The following PCDHGA1 variants were observed in gnomAD, a reference collection of about 807,000 sequenced individuals.
The protein encoded by PCDHGA1 is protocadherin gamma-A1.
In PCDHGA1, 32 loss-of-function variants were observed where a neutral mutation model predicts 58.0. That is an observed-to-expected ratio of 0.55 (90% CI 0.42 to 0.74). PCDHGA1 has a LOEUF of 0.74. Ranked by LOEUF, PCDHGA1 falls within the 30% of genes least tolerant of loss-of-function variation. PCDHGA1 has a pLI of 0.00. For synonymous variants in PCDHGA1, 498 were observed against 501.1 expected, an observed-to-expected ratio of 0.99 and a Z score of 0.08; for missense variants, 1,205 against 1,182.3, an observed-to-expected ratio of 1.02 and a Z score of -0.28.
At chr5:141,502,234 C>T (rs1482411915) in intron 2 of PCDHGA1, among the ~76,000 whole-genome samples, 1 of 152,108 alleles carries the variant, frequency 6.6e-6, no homozygotes, top group Non-Finnish European at 1.5e-5. Flanking sequence ...TCTGTGTGTT[C>T]TTTTATCCTT....
chr5:141,403,762 T>A (rs1217388200), intron 1 of PCDHGA1: 1 of 1,613,736 alleles, frequency 6.2e-7, no homozygotes, highest in Non-Finnish European at 8.5e-7. Flanking sequence ...GCGACCTGGA[T>A]GAGGGAATCA....
At position 141,477,984 on chromosome 5, in the gene PCDHGA1, T is replaced by A; in HGVS notation, c.2422-16823T>A. On this transcript the variant is annotated intron_variant, in intron 1 of 3. Coordinates refer to ENST00000517417, the MANE Select transcript of PCDHGA1 (RefSeq NM_018912.3). This position sits in a 1 kb window ranked among gnomAD's most constrained non-coding sequence, Gnocchi z 4.9. ...AACCAGAGCCTTTTTGCCATAGGGC[T>A]GCACACTGGTCAAATCAGTACTGCC... 6.2e-7 allele frequency: 1 copy of A among 1,614,146 alleles called. No homozygotes were observed. The highest frequency in any genetic ancestry group is 8.5e-7 in the Non-Finnish European group (1 of 1,180,028).
At chr5:141,371,039 G>A (rs1233349729) in intron 1 of PCDHGA1, 1 of 1,613,848 alleles carries the variant, frequency 6.2e-7, no homozygotes, top group Admixed American at 1.7e-5. Context: ...TCACAGCTGT[G>A]GATGGGGGCG....
Position 141,489,624 on chromosome 5 carries a change from C to T in PCDHGA1, c.2422-5183C>T. 1 of 1,614,088 alleles carries T rather than the reference C, an allele frequency of 6.2e-7. No homozygotes were observed. On this transcript the variant is annotated intron_variant, in intron 1 of 3. Transcript: ENST00000517417. The surrounding 1 kb of genome is among the most constrained non-coding windows in gnomAD (Gnocchi z 4.5). Reference sequence around the variant, plus strand: ...AGGTAGAGATCCTGGATCTCAATGACAACTCTCCTAGCTTTGCCACCCCTG... The same window carrying T: ...AGGTAGAGATCCTGGATCTCAATGATAACTCTCCTAGCTTTGCCACCCCTG...
intron 1 of PCDHGA1, chr5:141,384,294 C>G: frequency 6.2e-7 from 1 of 1,613,864 alleles, no homozygotes; most frequent in Non-Finnish European, 8.5e-7. Flanking sequence ...CTGAGAACAA[C>G]CCCAGAGGGG....
At position 141,432,552 on chromosome 5, in the gene PCDHGA1, C is replaced by G. The variant is rs1181931321; in HGVS notation, c.2422-62255C>G. ...AAGGTGGTGGCGGTGGACAGAGACT[C>G]CGGCCAGAACGCCTGGCTGTCCTAC... On this transcript the variant is annotated intron_variant, in intron 1 of 3. Coordinates refer to ENST00000517417, the MANE Select transcript of PCDHGA1 (RefSeq NM_018912.3). The surrounding 1 kb of genome is among the most constrained non-coding windows in gnomAD (Gnocchi z 6.0). The G allele has an allele frequency of 6.2e-7, 1 of 1,613,970 alleles. No homozygotes were observed. The highest frequency in any genetic ancestry group is 1.1e-5 in the South Asian group (1 of 91,064).
chr5:141,491,496 C>T lies in PCDHGA1; in HGVS notation c.2422-3311C>T, dbSNP rs372523924. ...AGTCCAGCCCCAACCTGCAGGTGAG[C>T]TCGGACGGCACGCTCAAGTACATGG... On this transcript the variant is annotated intron_variant, in intron 1 of 3. Transcript: ENST00000517417. This position sits in a 1 kb window ranked among gnomAD's most constrained non-coding sequence, Gnocchi z 6.9. 2.9e-5 allele frequency: 47 copies of T among 1,614,004 alleles called. No individual in the cohort carries two copies. Among genetic ancestry groups the T allele is most frequent in the Non-Finnish European group, 3.7e-5 (44 of 1,180,026 alleles).
chr5:141,365,340 T>C (rs776988694), intron 1 of PCDHGA1: 5 of 1,613,832 alleles, frequency 3.1e-6, no homozygotes, highest in Admixed American at 1.7e-5. Flanking sequence ...GTGGTCACAG[T>C]ACAGGACGTG....
intron 1 of PCDHGA1, chr5:141,344,138 G>A (rs1189053152): frequency 5.0e-6 from 8 of 1,614,026 alleles, no homozygotes; most frequent in Admixed American, 1.7e-5. Flanking sequence ...GCTACTCGGT[G>A]TCTGAGGAGC....
chr5:141,350,963 A>G (rs771173286), intron 1 of PCDHGA1: 1 of 1,614,094 alleles, frequency 6.2e-7, no homozygotes, highest in South Asian at 1.1e-5. Context: ...TGCCAATGAT[A>G]ATGCTCCCGT....
rs770638374 is a variant in PCDHGA1 at position 141,409,524 on chromosome 5, A to G, written c.2421+76419A>G. On this transcript the variant is annotated intron_variant, in intron 1 of 3. Coordinates refer to ENST00000517417, the MANE Select transcript of PCDHGA1 (RefSeq NM_018912.3). ...TCTTCCAGTAGAAGCATCACCTTGTATGTCGCTGACATCAACGACAACGCC... is the reference window on the plus strand; with the variant it reads ...TCTTCCAGTAGAAGCATCACCTTGTGTGTCGCTGACATCAACGACAACGCC... 11 of 1,613,972 alleles carry G rather than the reference A, an allele frequency of 6.8e-6. No homozygotes were observed. In the South Asian group the frequency reaches 1.1e-4, roughly 16 times the overall value.
intron 1 of PCDHGA1, chr5:141,372,143 G>A: frequency 6.2e-7 from 1 of 1,613,784 alleles, no homozygotes. Context: ...GCTCTGCAGA[G>A]CCTGGCTACC....
intron 1 of PCDHGA1, chr5:141,408,622 A>C (rs1481022505): frequency 6.2e-7 from 1 of 1,614,070 alleles, no homozygotes; most frequent in Admixed American, 1.7e-5. Flanking sequence ...AAATACATTT[A>C]GAAATTTTCG....
intron 1 of PCDHGA1, chr5:141,397,891 A>G: frequency 3.2e-6 from 2 of 631,130 alleles, no homozygotes; most frequent in Non-Finnish European, 5.3e-6. Context: ...CTGTTGGCCA[A>G]AGTGCAGAGC....
chr5:141,355,134 T>A (rs892801062), intron 1 of PCDHGA1: 1 of 1,523,362 alleles, frequency 6.6e-7, no homozygotes, highest in Non-Finnish European at 8.8e-7. Flanking sequence ...ACCCAGAAGA[T>A]CCTGGGGCTC....
chr5:141,443,457 G>C (rs977253701), intron 1 of PCDHGA1, among the ~76,000 whole-genome samples: 12 of 152,194 alleles, frequency 7.9e-5, no homozygotes, highest in Non-Finnish European at 1.3e-4. Flanking sequence ...CTGTACTCCA[G>C]TCTGGGTGAC....
chr5:141,490,251 A>G lies in PCDHGA1; in HGVS notation c.2422-4556A>G, dbSNP rs1479384008. ...CCATGGAGGGCCACTGTGTGATTCA[A>G]GTGGATGTGGGGGATGTCAATGACA... is the stretch of plus-strand genomic sequence containing the variant. On this transcript the variant is annotated intron_variant, in intron 1 of 3. Coordinates refer to ENST00000517417, the MANE Select transcript of PCDHGA1 (RefSeq NM_018912.3). This position sits in a 1 kb window ranked among gnomAD's most constrained non-coding sequence, Gnocchi z 5.4. 6.2e-7 allele frequency: 1 copy of G among 1,614,210 alleles called. No homozygotes were observed. Among genetic ancestry groups the G allele is most frequent in the Non-Finnish European group, 8.5e-7 (1 of 1,180,036 alleles).
Position 141,485,992 on chromosome 5 carries a change from C to T in PCDHGA1, c.2422-8815C>T. The T allele has an allele frequency of 6.2e-7, 1 of 1,614,156 alleles. No individual in the cohort carries two copies. The highest frequency in any genetic ancestry group is 2.2e-5 in the East Asian group (1 of 44,870). On this transcript the variant is annotated intron_variant, in intron 1 of 3. Coordinates refer to ENST00000517417, the MANE Select transcript of PCDHGA1 (RefSeq NM_018912.3). The surrounding 1 kb of genome is among the most constrained non-coding windows in gnomAD (Gnocchi z 5.7). ...ATGCCTCAGACCCGGACCTGGGTCC[C>T]AGTGGTAACGTCACCTTTTATTTCA...
chr5:141,491,168 A>G lies in PCDHGA1; in HGVS notation c.2422-3639A>G. On this transcript the variant is annotated intron_variant, in intron 1 of 3. Coordinates refer to ENST00000517417, the MANE Select transcript of PCDHGA1 (RefSeq NM_018912.3). The surrounding 1 kb of genome is among the most constrained non-coding windows in gnomAD (Gnocchi z 6.9). Reference sequence around the variant, plus strand: ...CTGGAGGATGACTCTGACACCCAGCAGGTGGTGGTCCTGGTGAGGGACAAT... The same window carrying G: ...CTGGAGGATGACTCTGACACCCAGCGGGTGGTGGTCCTGGTGAGGGACAAT... 2 of 1,614,160 alleles carry G rather than the reference A, an allele frequency of 1.2e-6. No homozygotes were observed.
Sources: gnomAD v4.1 joint callset for allele counts (sites outside exome capture counted in the v4.1 genomes callset) on GRCh38, gnomAD v4.1.1 for gene constraint, Gnocchi (gnomAD v3.1) non-coding constraint, MANE v1.5 for transcripts, NCBI Gene and HGNC (gene_info 2026-07-23, HGNC 2026-07-21) for gene names.